PGAP6: variants seen among roughly 807,000 people sequenced by gnomAD.
PGAP6 encodes post-GPI attachment to proteins 6.
PGAP6 carries 62 observed loss-of-function variants against 68.4 expected under a neutral mutation model. That is an observed-to-expected ratio of 0.91 (90% CI 0.74 to 1.12). The LOEUF is 1.12. PGAP6 is among the 50% of genes most tolerant of loss of function. PGAP6 has a pLI of 0.00. For synonymous variants in PGAP6, 575 were observed against 474.0 expected, an observed-to-expected ratio of 1.21 and a Z score of -2.77; for missense variants, 1,188 against 1,068.5, an observed-to-expected ratio of 1.11 and a Z score of -1.56.
intron 6 of PGAP6, among the ~76,000 whole-genome samples, chr16:375,810 G>A (rs568271472): frequency 8.9e-4 from 135 of 152,110 alleles, no homozygotes; most frequent in Admixed American, 9.8e-4. Flanking sequence ...GATTACAGGC[G>A]TGAGCCACCG....
intron 3 of PGAP6, 22 bp downstream of exon 3, chr16:377,356 C>A (rs747141508): frequency 1.3e-6 from 2 of 1,568,456 alleles, no homozygotes; most frequent in Non-Finnish European, 8.7e-7. Flanking sequence ...CTGCCTCCAT[C>A]CCGGAGGGCA....
Position 375,214 on chromosome 16 carries a change from C to G in PGAP6, c.1358G>C (p.Arg453Pro), listed in dbSNP as rs370750603. The G allele has an allele frequency of 6.2e-7, 1 of 1,613,176 alleles. No individual in the cohort carries two copies. The highest frequency in any genetic ancestry group is 1.3e-5 in the African/African-American group (1 of 74,908). ...GTAGGGGATGATGAGGTTGGCCCTG[C>G]GAGACCAGGCGCTCAGAGACAAAGG... ...GYPLSLSAWS[R>P]RANLIIPYPE... Residue 453 changes from arginine (R) to proline (P), a missense_variant, in exon 8 of 13, where the codon CGC (arginine) becomes CCC (proline). Coordinates refer to ENST00000431232, the MANE Select transcript of PGAP6 (RefSeq NM_021259.3).
At position 376,338 on chromosome 16, in the gene PGAP6, C is replaced by G. The variant is rs143667988; in HGVS notation, c.1022G>C (p.Ser341Thr). The change falls in exon 6 of 13, where the codon AGT (serine) becomes ACT (threonine). Residue 341 changes from serine (S) to threonine (T), a missense_variant. Transcript: ENST00000431232. ...GAAGGGGCTGCGGTCCACCCTGCCACTCCTGCCCAGGTCCTGGTGGTCGGG... is the reference window on the plus strand; with the variant it reads ...GAAGGGGCTGCGGTCCACCCTGCCAGTCCTGCCCAGGTCCTGGTGGTCGGG... ...PSPDHQDLGR[S>T]GRVDRSPFCL... 5 of 1,612,578 alleles carry G rather than the reference C, an allele frequency of 3.1e-6. No individual in the cohort carries two copies. The highest frequency in any genetic ancestry group is 4.2e-6 in the Non-Finnish European group (5 of 1,179,968).
rs143931556 is a variant in PGAP6 at position 370,830 on chromosome 16, AC to A, written c.*1156del. Reference sequence around the variant, plus strand: ...ATGTAGAATATTAAATTCACCAAACACAGATAGATCAGATCTACATAAAAAT... The same window carrying A: ...ATGTAGAATATTAAATTCACCAAACAAGATAGATCAGATCTACATAAAAAT... On this transcript the variant is annotated 3_prime_UTR_variant, in exon 13 of 13. Transcript: ENST00000431232. 0.046 allele frequency: 7,084 copies of A among 153,242 alleles called. 474 individuals carry two copies. The highest frequency in any genetic ancestry group is 0.15 in the African/African-American group (6,078 of 41,546). 9.5% of individuals were successfully genotyped at this position (153,242 alleles called of 1,614,324 possible). A position where few individuals can be genotyped will look rare whatever the true frequency, so the allele number is the denominator to read the frequency against.
chr16:376,635 T>C lies in PGAP6; in HGVS notation c.813A>G (p.Ser271=). Reference sequence around the variant, plus strand: ...CTTGCAGCCACCGGTCCCAGGGCGGTGAGGGCAGCAGCAGGCGGCAGGGCC... The same window carrying C: ...CTTGCAGCCACCGGTCCCAGGGCGGCGAGGGCAGCAGCAGGCGGCAGGGCC... The part of the protein sequence containing the change: ...APWPCRLLLP[S]PPWDRWLQVT... Residue 271 remains serine (S), a synonymous_variant, in exon 5 of 13, where the codon TCA becomes TCG. Coordinates refer to ENST00000431232, the MANE Select transcript of PGAP6 (RefSeq NM_021259.3). 3 of 1,603,056 alleles carry C rather than the reference T, an allele frequency of 1.9e-6. No individual in the cohort carries two copies. The highest frequency in any genetic ancestry group is 2.6e-6 in the Non-Finnish European group (3 of 1,174,504).
At chr16:382,183 C>T (rs1481099609), upstream of PGAP6, 30 of 390,162 alleles carry the variant, frequency 7.7e-5, no homozygotes, top group Non-Finnish European at 1.1e-4. Context: ...ATGGAGGGAT[C>T]GCGGGGGTCC....
At chr16:380,327 G>A (rs2054426134) in intron 1 of PGAP6, among the ~76,000 whole-genome samples, 1 of 152,052 alleles carries the variant, frequency 6.6e-6, no homozygotes, top group South Asian at 2.1e-4. Flanking sequence ...GGAACCGCAG[G>A]CTTACATTAC....
intron 1 of PGAP6, among the ~76,000 whole-genome samples, chr16:378,224 T>G (rs1215442183): frequency 0.048 from 961 of 20,054 alleles, 3 homozygotes; most frequent in Non-Finnish European, 0.06. Context: ...ATCGCCACCC[T>G]GACTGCCATC....
At position 374,079 on chromosome 16, in the gene PGAP6, C is replaced by T. The variant is rs755472720; in HGVS notation, c.1828G>A (p.Asp610Asn). 6 of 1,612,052 alleles carry T rather than the reference C, an allele frequency of 3.7e-6. No individual in the cohort carries two copies. The highest frequency in any genetic ancestry group is 3.3e-5 in the South Asian group (3 of 91,084). The change falls in exon 11 of 13, where the codon GAC becomes AAC. Residue 610 changes from aspartate (D) to asparagine (N), a missense_variant. By Grantham distance (23) the Asp-to-Asn change is conservative. Transcript: ENST00000431232. ...ILSYDTLQYC[D>N]FLGSGAAIWV... ...ATGGCCGCCCCGGAGCCCAAGAAGT[C>T]GCAGTACTGCAGCGTGTCGTAGCTG...
In PGAP6 at chr16:377,564, A is replaced by C; in HGVS notation, c.321T>G (p.Pro107=). 1 of 1,581,816 alleles carries C rather than the reference A, an allele frequency of 6.3e-7. No homozygotes were observed. The part of the protein sequence containing the change: ...EITVHFRSGA[P]PVINPLGTSF... ...TGGTGCCCAGCGGGTTGATGACCGGAGGGGCGCCGGAACGGAAGTGCCTGG... is the reference window on the plus strand; with the variant it reads ...TGGTGCCCAGCGGGTTGATGACCGGCGGGGCGCCGGAACGGAAGTGCCTGG... Residue 107 remains proline (P), a synonymous_variant, in exon 3 of 13, where the codon CCT becomes CCG. Transcript: ENST00000431232.
chr16:382,475 C>T, upstream of PGAP6: 2 of 372,062 alleles, frequency 5.4e-6, no homozygotes, highest in Non-Finnish European at 9.6e-6. Flanking sequence ...AGAGCCGCTG[C>T]AGGTGCGTGT....
chr16:383,321 G>C (rs915522450), upstream of PGAP6: 5 of 152,238 alleles, frequency 3.3e-5, no homozygotes, highest in South Asian at 4.1e-4. Context: ...ACTGCTTGCA[G>C]CAGGCAGAGG....
In PGAP6 at chr16:371,972, G is replaced by A. The variant is rs771779402; in HGVS notation, c.*15C>T. The A allele has an allele frequency of 6.2e-7, 1 of 1,605,990 alleles. No individual in the cohort carries two copies. The highest frequency in any genetic ancestry group is 8.5e-7 in the Non-Finnish European group (1 of 1,175,590). On this transcript the variant is annotated 3_prime_UTR_variant, in exon 13 of 13. Transcript: ENST00000431232. ...TGAAGAGGTCATCAGAGCAGCAGCT[G>A]TCCCCAGGCCAGTGTCACGTCACTG...
Position 371,889 on chromosome 16 carries a change from T to C in PGAP6, c.*98A>G. ...GGGTATCTAGGCCAATTTATTCAGC[T>C]GGAAATCAATCTGTCCAGGGCTGGA... On this transcript the variant is annotated 3_prime_UTR_variant, in exon 13 of 13. Transcript: ENST00000431232. 1 of 1,378,792 alleles carries C rather than the reference T, an allele frequency of 7.3e-7. No homozygotes were observed. The highest frequency in any genetic ancestry group is 1.4e-5 in the South Asian group (1 of 73,332). The allele number at this position is 1,378,792 out of a possible 1,614,324, so 85.4% of individuals were successfully genotyped here.
At chr16:382,655 T>C (rs2054453989), upstream of PGAP6, among the ~76,000 whole-genome samples, 1 of 151,068 alleles carries the variant, frequency 6.6e-6, no homozygotes, top group South Asian at 2.1e-4. Flanking sequence ...CGATAAAGCC[T>C]AGAAAACTCG....
intron 7 of PGAP6, 40 bp downstream of exon 7, chr16:375,305 T>TGGC: frequency 6.2e-7 from 1 of 1,612,522 alleles, no homozygotes; most frequent in Non-Finnish European, 8.5e-7. Context: ...GGCGGGGGGC[T>TGGC]GGCCGGGGCC....
chr16:380,768 G>A (rs548917881), intron 1 of PGAP6, among the ~76,000 whole-genome samples: 1 of 148,602 alleles, frequency 6.7e-6, no homozygotes, highest in African/African-American at 2.4e-5. Flanking sequence ...AAAGAAACAG[G>A]AGCTCAAAGG....
In PGAP6 at chr16:372,211, C is replaced by T. The variant is rs150690739; in HGVS notation, c.2092G>A (p.Gly698Ser). The T allele has an allele frequency of 3.0e-5, 48 of 1,612,564 alleles. No homozygotes were observed. Among genetic ancestry groups the T allele is most frequent in the Middle Eastern group, 1.7e-4 (1 of 6,058 alleles). Residue 698 changes from glycine to serine, a missense_variant, in exon 13 of 13, where the codon GGC becomes AGC. Gly to Ser is a moderately conservative substitution (Grantham distance 56). Coordinates refer to ENST00000431232, the MANE Select transcript of PGAP6 (RefSeq NM_021259.3). ...WQRWAFYLLP[G>S]VSMASVGIAI... ...ATGCCCACAGAGGCCATAGAGACGC[C>T]GGGCAGGAGGTAGAAGGCCCAGCGC...
chr16:386,819 G>A (rs746990132), upstream of PGAP6: 7 of 654,500 alleles, frequency 1.1e-5, no homozygotes, highest in East Asian at 1.1e-4. Context: ...AAGCCAAAGC[G>A]AAGGCTTTAA....
Sources: allele counts gnomAD v4.1 joint callset (sites outside exome capture counted in the v4.1 genomes callset), GRCh38; gene constraint gnomAD v4.1.1; transcripts MANE v1.5; gene names NCBI Gene and HGNC (gene_info 2026-07-23, HGNC 2026-07-21).